The following NEGR1 variants were observed in gnomAD, a reference collection of about 807,000 sequenced individuals.
The protein encoded by NEGR1 is neuronal growth regulator 1.
NEGR1 carries 10 observed loss-of-function variants against 40.9 expected under a neutral mutation model. That is an observed-to-expected ratio of 0.24 (90% confidence interval 0.15 to 0.42). The LOEUF is 0.42. Among genes scored for constraint, NEGR1 ranks in the 10% least tolerant of loss-of-function variants. The pLI, the probability that NEGR1 is intolerant of heterozygous loss-of-function variation, is 1.00. For missense variants in NEGR1, 352 were observed against 438.9 expected (o/e 0.80, Z 1.77); for synonymous variants, 185 against 166.8 (o/e 1.11, Z -0.84).
chr1:71,488,841 AG>A (rs995354648), intron 6 of NEGR1, among the ~76,000 whole-genome samples: 6 of 151,720 alleles, frequency 4.0e-5, no homozygotes, highest in Admixed American at 2.0e-4. Context: ...ATAAAACTAG[AG>A]GTTTTTCTTC....
chr1:72,076,318 T>C (rs1387487050), intron 1 of NEGR1, among the ~76,000 whole-genome samples: 2 of 152,132 alleles, frequency 1.3e-5, no homozygotes, highest in Non-Finnish European at 2.9e-5. Context: ...AAGATAATAG[T>C]GCAAATACAG....
At chr1:72,273,818 G>A (rs986036477) in intron 1 of NEGR1, among the ~76,000 whole-genome samples, 1 of 151,234 alleles carries the variant, frequency 6.6e-6, no homozygotes, top group African/African-American at 2.4e-5. Flanking sequence ...GGCAGGGACT[G>A]TTGATATATG....
At chr1:71,914,895 C>A (rs1234923785) in intron 2 of NEGR1, among the ~76,000 whole-genome samples, 1 of 152,048 alleles carries the variant, frequency 6.6e-6, no homozygotes, top group Non-Finnish European at 1.5e-5. Context: ...GTAATCACTG[C>A]CTATTATTAC....
chr1:72,104,910 TCAGAGTA>T (rs1299651037), intron 1 of NEGR1, among the ~76,000 whole-genome samples: 1 of 152,168 alleles, frequency 6.6e-6, no homozygotes, highest in Non-Finnish European at 1.5e-5. Flanking sequence ...ACTGGACTTA[TCAGAGTA>T]CAGTCTGTTC....
At chr1:71,732,726 C>T (rs1031945218) in intron 3 of NEGR1, among the ~76,000 whole-genome samples, 1 of 151,970 alleles carries the variant, frequency 6.6e-6, no homozygotes, top group South Asian at 2.1e-4. Context: ...ACACATAAGT[C>T]CTCAAGAATG....
At chr1:71,663,795 T>C (rs971807767) in intron 4 of NEGR1, among the ~76,000 whole-genome samples, 1 of 152,218 alleles carries the variant, frequency 6.6e-6, no homozygotes, top group Admixed American at 6.5e-5. Flanking sequence ...TTTATAGTTG[T>C]TCATGCATAT....
intron 1 of NEGR1, among the ~76,000 whole-genome samples, chr1:72,160,719 G>A (rs946826069): frequency 6.6e-6 from 1 of 152,048 alleles, no homozygotes; most frequent in South Asian, 2.1e-4. Flanking sequence ...TTATATAAAT[G>A]GAGCTTTATC....
intron 2 of NEGR1, among the ~76,000 whole-genome samples, chr1:71,869,935 A>G (rs149528884): frequency 1.2e-4 from 18 of 147,428 alleles, no homozygotes; most frequent in African/African-American, 4.5e-4. Flanking sequence ...GCTGGAGTGC[A>G]GTGGCATGAC....
At chr1:71,627,484 T>C (rs1285470317) in intron 4 of NEGR1, among the ~76,000 whole-genome samples, 1 of 152,032 alleles carries the variant, frequency 6.6e-6, no homozygotes, top group Non-Finnish European at 1.5e-5. Flanking sequence ...GTTAGACTAA[T>C]GCCATTTTTT....
chr1:72,131,154 T>A (rs558788728), intron 1 of NEGR1, among the ~76,000 whole-genome samples: 7 of 152,324 alleles, frequency 4.6e-5, no homozygotes, highest in African/African-American at 1.7e-4. Context: ...TGATCAAGCT[T>A]ATGGATAAGA....
At chr1:71,828,231 A>T (rs1239535991) in intron 2 of NEGR1, among the ~76,000 whole-genome samples, 1 of 151,936 alleles carries the variant, frequency 6.6e-6, no homozygotes, top group East Asian at 1.9e-4. Context: ...CAGAGAAGGA[A>T]TGTTTTTCTT....
chr1:71,611,487 G>A (rs752743686), intron 4 of NEGR1, among the ~76,000 whole-genome samples: 2 of 152,158 alleles, frequency 1.3e-5, no homozygotes, highest in Non-Finnish European at 2.9e-5. Context: ...TCTATTGAGT[G>A]ATCACAGGGA....
rs545926282 is a variant in NEGR1, at chr1:72,128,606, A to G, written c.176+153713T>C. Among the ~76,000 whole-genome samples, 114 of 152,296 alleles carry G rather than the reference A, an allele frequency of 7.5e-4. 3 individuals carry two copies. The South Asian group carries it at 0.023, about 31-fold the overall frequency. On this transcript the variant is annotated intron_variant, in intron 1 of 6. Coordinates refer to ENST00000357731, the MANE Select transcript of NEGR1 (RefSeq NM_173808.3). ...TGGAAATTCTATGTATGTTTAAATA[A>G]CATTATTTTACAAAGAGTCATAAAT...
chr1:71,698,276 G>T, intron 3 of NEGR1, 137 bp from the exon 4 acceptor site: 1 of 739,664 alleles, frequency 1.4e-6, no homozygotes, highest in East Asian at 2.7e-5. Context: ...TAAACCTTTT[G>T]TTCTTCTATG....
chr1:71,447,253 T>G (rs916364707), intron 6 of NEGR1, among the ~76,000 whole-genome samples: 1 of 151,940 alleles, frequency 6.6e-6, no homozygotes, highest in Non-Finnish European at 1.5e-5. Context: ...CTTGGAAAAA[T>G]TGTAAAAATT....
chr1:72,003,592 A>T (rs1250692221), intron 1 of NEGR1, among the ~76,000 whole-genome samples: 1 of 148,280 alleles, frequency 6.7e-6, no homozygotes, highest in Non-Finnish European at 1.5e-5. Flanking sequence ...CTAGGAAGTT[A>T]TCAGAAGATA....
At chr1:72,074,942 G>C (rs1188964409) in intron 1 of NEGR1, among the ~76,000 whole-genome samples, 1 of 151,966 alleles carries the variant, frequency 6.6e-6, no homozygotes, top group African/African-American at 2.4e-5. Context: ...TCAGCATCTG[G>C]TTCACATAGT....
chr1:71,957,371 T>C (rs1348373517), intron 1 of NEGR1, among the ~76,000 whole-genome samples: 1 of 152,138 alleles, frequency 6.6e-6, no homozygotes, highest in Non-Finnish European at 1.5e-5. Context: ...TCCAGTTTTA[T>C]GAACACTAAA....
At chr1:72,274,420 A>T (rs1180231333) in intron 1 of NEGR1, 1 of 500,038 alleles carries the variant, frequency 2.0e-6, no homozygotes, top group Non-Finnish European at 3.6e-6. Flanking sequence ...CCTGAACCTC[A>T]AGAGGACAGA....
Sources: gnomAD v4.1 joint callset for allele counts (sites outside exome capture counted in the v4.1 genomes callset) on GRCh38, gnomAD v4.1.1 for gene constraint, MANE v1.5 for transcripts, NCBI Gene and HGNC (gene_info 2026-07-23, HGNC 2026-07-21) for gene names.